WDPCP: variants seen among roughly 807,000 people sequenced by gnomAD.
The protein encoded by WDPCP is WD repeat-containing and planar cell polarity effector protein fritz homolog.
A neutral mutation model predicts 93.1 loss-of-function variants in WDPCP; 71 were observed. That is an observed-to-expected ratio of 0.76 (90% CI 0.63 to 0.93). WDPCP has a LOEUF of 0.93. Among genes scored for constraint, WDPCP ranks in the 40% least tolerant of loss-of-function variants. WDPCP has a pLI of 0.00. For missense variants in WDPCP, 844 were observed against 887.4 expected (o/e 0.95, Z 0.62); for synonymous variants, 315 against 315.0 (o/e 1.00, Z 0.00).
At chr2:63,455,557 A>T (rs1269487295) in intron 6 of WDPCP, among the ~76,000 whole-genome samples, 1 of 151,974 alleles carries the variant, frequency 6.6e-6, no homozygotes, top group African/African-American at 2.4e-5. Flanking sequence ...TTTAACTCAA[A>T]AACAGTAAAA....
At chr2:63,341,599 TAG>T (rs1688846475) in intron 12 of WDPCP, among the ~76,000 whole-genome samples, 1 of 152,196 alleles carries the variant, frequency 6.6e-6, no homozygotes, top group Non-Finnish European at 1.5e-5. Context: ...ACTTTCTCTC[TAG>T]AGGTGGGACA....
At chr2:63,138,560 C>G (rs1235058704) in intron 17 of WDPCP, among the ~76,000 whole-genome samples, 1 of 151,016 alleles carries the variant, frequency 6.6e-6, no homozygotes, top group African/African-American at 2.4e-5. Flanking sequence ...TCATGCCATT[C>G]TCCTGCCTCA....
intron 2 of WDPCP, among the ~76,000 whole-genome samples, chr2:63,684,867 G>T (rs1163851670): frequency 6.6e-6 from 1 of 152,104 alleles, no homozygotes; most frequent in Non-Finnish European, 1.5e-5. Flanking sequence ...ATGTGCTCCT[G>T]AATAACCAGT....
Position 63,449,284 on chromosome 2 carries a change from C to T in WDPCP, c.385-9413G>A, listed in dbSNP as rs185467438. Among the ~76,000 whole-genome samples, 207 of 152,258 alleles carry T rather than the reference C, an allele frequency of 1.4e-3. 2 individuals carry two copies. Among genetic ancestry groups the T allele is most frequent in the African/African-American group, 4.5e-3 (187 of 41,542 alleles). ...GTGAGGTAGTTAGTAATTAGATGGT[C>T]ACACAATAAATGTCCAGCTGGAACT... On this transcript the variant is annotated intron_variant, in intron 6 of 17. Coordinates refer to ENST00000272321, the MANE Select transcript of WDPCP (RefSeq NM_015910.7).
At chr2:63,362,277 T>TTGGGTGGGTGTGTG (rs1553362983) in intron 12 of WDPCP, among the ~76,000 whole-genome samples, 1 of 94,108 alleles carries the variant, frequency 1.1e-5, no homozygotes, top group Non-Finnish European at 1.9e-5. Context: ...TTTTTTTTGG[T>TTGGGTGGGTGTGTG]TGTGTGTGTG....
intron 13 of WDPCP, among the ~76,000 whole-genome samples, chr2:63,283,529 C>G (rs1683735454): frequency 6.6e-6 from 1 of 152,170 alleles, no homozygotes; most frequent in Non-Finnish European, 1.5e-5. Context: ...TTGCCGATGG[C>G]TGTTTCTGAG....
At position 63,554,344 on chromosome 2, in the gene WDPCP, C is replaced by A. The variant is rs1348624141; in HGVS notation, c.75+33853G>T. On this transcript the variant is annotated intron_variant, in intron 1 of 17. Coordinates refer to ENST00000272321, the MANE Select transcript of WDPCP (RefSeq NM_015910.7). The stretch of plus-strand genomic sequence containing the variant: ...CAGGAGGCACACAATGTCAACTTGT[C>A]CCATTATTGGGGTTGGCAACTTATG... Among the ~76,000 whole-genome samples, 5 of 152,154 alleles carry A rather than the reference C, an allele frequency of 3.3e-5. No individual in the cohort carries two copies. The East Asian group carries it at 9.6e-4, about 29-fold the overall frequency.
At chr2:63,391,562 T>G (rs1264019313) in intron 10 of WDPCP, among the ~76,000 whole-genome samples, 1 of 152,056 alleles carries the variant, frequency 6.6e-6, no homozygotes, top group Non-Finnish European at 1.5e-5. Context: ...GAGAAAGAAA[T>G]AAAGGGTATT....
intron 14 of WDPCP, among the ~76,000 whole-genome samples, chr2:63,178,385 T>C (rs1249077641): frequency 6.6e-6 from 1 of 152,210 alleles, no homozygotes; most frequent in East Asian, 1.9e-4. Flanking sequence ...ATCTCTTTAA[T>C]AGTTGTAAGT....
At chr2:63,359,598 A>G (rs964294050) in intron 12 of WDPCP, among the ~76,000 whole-genome samples, 1 of 152,226 alleles carries the variant, frequency 6.6e-6, no homozygotes. Context: ...GCAGTTTCCT[A>G]TAGAACTAAC....
At chr2:63,261,354 T>G (rs1681616840) in intron 13 of WDPCP, among the ~76,000 whole-genome samples, 1 of 152,136 alleles carries the variant, frequency 6.6e-6, no homozygotes, top group African/African-American at 2.4e-5. Flanking sequence ...GGAAGTGATT[T>G]GCAATGTAAT....
chr2:63,602,934 C>CTTTTTTTTTTTTTTTTTTTTTT (rs370479356), intron 3 of WDPCP, among the ~76,000 whole-genome samples: 3 of 131,532 alleles, frequency 2.3e-5, no homozygotes, highest in African/African-American at 5.4e-5. Flanking sequence ...TTTAACCGTT[C>CTTTTTTTTTTTTTTTTTTTTTT]TTTTTTTTTT....
At chr2:63,571,069 T>C (rs747840183) in intron 1 of WDPCP, among the ~76,000 whole-genome samples, 16 of 70,842 alleles carry the variant, frequency 2.3e-4, no homozygotes, top group Non-Finnish European at 3.9e-4. Context: ...TAGGTCCAGC[T>C]AATTTTTGGT....
intron 6 of WDPCP, among the ~76,000 whole-genome samples, chr2:63,453,266 A>C (rs1460362207): frequency 6.6e-6 from 1 of 152,222 alleles, no homozygotes; most frequent in Non-Finnish European, 1.5e-5. Flanking sequence ...AAACAACCCC[A>C]TCAAAAAGTG....
intron 2 of WDPCP, among the ~76,000 whole-genome samples, chr2:63,795,748 C>T (rs1670605720): frequency 6.6e-6 from 1 of 152,216 alleles, no homozygotes; most frequent in Non-Finnish European, 1.5e-5. Flanking sequence ...GCATGAGCCA[C>T]TGTGCCTGGC....
intron 2 of WDPCP, among the ~76,000 whole-genome samples, chr2:63,740,119 G>A (rs1285711251): frequency 6.6e-6 from 1 of 151,968 alleles, no homozygotes; most frequent in African/African-American, 2.4e-5. Flanking sequence ...ACATTTTGAT[G>A]GGGCTAGAAA....
Position 63,119,578 on chromosome 2 carries a change from T to G in WDPCP, c.*2428A>C, listed in dbSNP as rs1360058791. 6.6e-6 allele frequency: 1 copy of G among 152,210 alleles called. No individual in the cohort carries two copies. Among genetic ancestry groups the G allele is most frequent in the Non-Finnish European group, 1.5e-5 (1 of 68,038 alleles). The allele number at this position is 152,210 out of a possible 1,614,324, so 9.4% of individuals were successfully genotyped here. On this transcript the variant is annotated 3_prime_UTR_variant, in exon 18 of 18. Transcript: ENST00000272321. ...TAGACATTAGCATTCCAAGCAAAGT[T>G]TATTCTAGCAATAAGACACAATGTG...
chr2:63,566,884 C>T (rs186056235), intron 1 of WDPCP, among the ~76,000 whole-genome samples: 4 of 152,306 alleles, frequency 2.6e-5, no homozygotes, highest in African/African-American at 9.6e-5. Flanking sequence ...GCTAGAATGG[C>T]TCATAGAACT....
intron 12 of WDPCP, among the ~76,000 whole-genome samples, chr2:63,341,668 A>G (rs968333806): frequency 2.6e-5 from 4 of 152,152 alleles, no homozygotes; most frequent in African/African-American, 4.8e-5. Flanking sequence ...ATAACTTTCT[A>G]TTCCCTTCAA....
Sources: gnomAD v4.1 joint callset for allele counts (sites outside exome capture counted in the v4.1 genomes callset) on GRCh38, gnomAD v4.1.1 for gene constraint, MANE v1.5 for transcripts, NCBI Gene and HGNC (gene_info 2026-07-23, HGNC 2026-07-21) for gene names.